TMEM176A: variants seen among roughly 807,000 people sequenced by gnomAD.
The protein encoded by TMEM176A is transmembrane protein 176A.
A neutral mutation model predicts 27.9 loss-of-function variants in TMEM176A; 20 were observed. The observed-to-expected ratio is 0.72, with a 90% CI of 0.50 to 1.04. The LOEUF is 1.04. Ranked by LOEUF, TMEM176A falls within the 50% of genes least tolerant of loss-of-function variation. The pLI is 0.00. For missense variants in TMEM176A, 252 were observed against 289.1 expected, an observed-to-expected ratio of 0.87 and a Z score of 0.93; for synonymous variants, 125 against 118.0, an observed-to-expected ratio of 1.06 and a Z score of -0.38.
intron 2 of TMEM176A, 70 bp from the exon 3 acceptor site, chr7:150,802,145 G>A (rs545307310): frequency 2.5e-6 from 3 of 1,214,474 alleles, no homozygotes; most frequent in East Asian, 2.3e-5. Flanking sequence ...TCTTTTTGGG[G>A]TTTTAGCGGT....
At position 150,804,844 on chromosome 7, in the gene TMEM176A, A is replaced by C. The variant is rs2116744188; in HGVS notation, c.684A>C (p.Glu228Asp). ...TCCATTAGAAAAGAGACCAGAAGGA[A>C]ATGTTGGAAGTGAGTGGAATCTAGC... ...FPTKGKRDQK[E>D]MLEVSGI The change falls in exon 7 of 7, where the codon GAA becomes GAC. Residue 228 changes from glutamate to aspartate, a missense_variant. Glu to Asp is a conservative substitution (Grantham distance 45). Coordinates refer to ENST00000004103, the MANE Select transcript of TMEM176A (RefSeq NM_018487.3). 1 of 1,614,222 alleles carries C rather than the reference A, an allele frequency of 6.2e-7. No individual in the cohort carries two copies. Among genetic ancestry groups the C allele is most frequent in the African/African-American group, 1.3e-5 (1 of 75,058 alleles).
rs1317752004 is a variant in TMEM176A at position 150,804,832 on chromosome 7, A to T, written c.672A>T (p.Arg224Ser). Residue 224 changes from arginine to serine, a missense_variant, in exon 7 of 7, where the codon AGA (arginine) becomes AGT (serine). Arg to Ser is a moderately radical substitution (Grantham distance 110). Transcript: ENST00000004103. ...CWRMFPTKGK[R>S]DQKEMLEVSG... ...TGCCTTTCCTCTTCCATTAGAAAAGAGACCAGAAGGAAATGTTGGAAGTGA... is the reference window on the plus strand; with the variant it reads ...TGCCTTTCCTCTTCCATTAGAAAAGTGACCAGAAGGAAATGTTGGAAGTGA... 1 of 1,614,236 alleles carries T rather than the reference A, an allele frequency of 6.2e-7. No homozygotes were observed. Among genetic ancestry groups the T allele is most frequent in the East Asian group, 2.2e-5 (1 of 44,882 alleles).
In TMEM176A at chr7:150,803,785, G is replaced by C. The variant is rs1170560518; in HGVS notation, c.508G>C (p.Glu170Gln). The C allele has an allele frequency of 1.2e-6, 2 of 1,614,198 alleles. No homozygotes were observed. Among genetic ancestry groups the C allele is most frequent in the Non-Finnish European group, 1.7e-6 (2 of 1,180,034 alleles). The change falls in exon 5 of 7, where the codon GAA (glutamate) becomes CAA (glutamine). Residue 170 changes from glutamate to glutamine, a missense_variant. By Grantham distance (29) the Glu-to-Gln change is conservative. Transcript: ENST00000004103. ...NTPAPTQSPE[E>Q]VRRLHLCTSF... ...TCCAGCCCCCACTCAGAGTCCAGAAGAAGTCAGAAGGCTACACCTATGTAC... is the reference window on the plus strand; with the variant it reads ...TCCAGCCCCCACTCAGAGTCCAGAACAAGTCAGAAGGCTACACCTATGTAC...
At position 150,801,572 on chromosome 7, in the gene TMEM176A, G is replaced by A. The variant is rs1181487157; in HGVS notation, c.22G>A (p.Glu8Lys). 5.6e-6 allele frequency: 9 copies of A among 1,607,764 alleles called. No homozygotes were observed. Among genetic ancestry groups the A allele is most frequent in the Non-Finnish European group, 7.6e-6 (9 of 1,178,092 alleles). MGTADSD[E>K]MAPEAPQHTH... ...GACAATGGGAACAGCCGACAGTGATGAGATGGCCCCGGAGGCCCCACAGCA... is the reference window on the plus strand; with the variant it reads ...GACAATGGGAACAGCCGACAGTGATAAGATGGCCCCGGAGGCCCCACAGCA... The change falls in exon 2 of 7, where the codon GAG (glutamate) becomes AAG (lysine). Residue 8 changes from glutamate (E) to lysine (K), a missense_variant. Physicochemically the swap from Glu to Lys is moderately conservative, Grantham distance 56 (BLOSUM62 1). Coordinates refer to ENST00000004103, the MANE Select transcript of TMEM176A (RefSeq NM_018487.3).
chr7:150,803,976 A>G, intron 5 of TMEM176A, 144 bp downstream of exon 5: 1 of 726,294 alleles, frequency 1.4e-6, no homozygotes, highest in Non-Finnish European at 2.2e-6. Context: ...ACAAAGCATC[A>G]GACAAAATAG....
rs748267918 is a variant in TMEM176A at position 150,801,677 on chromosome 7, C to T, written c.127C>T (p.Arg43Trp). 6.9e-6 allele frequency: 11 copies of T among 1,605,020 alleles called. No individual in the cohort carries two copies. Among genetic ancestry groups the T allele is most frequent in the African/African-American group, 6.7e-5 (5 of 74,688 alleles). The change falls in exon 2 of 7, where the codon CGG becomes TGG. Residue 43 changes from arginine (R) to tryptophan (W), a missense_variant. Transcript: ENST00000004103. ...LLTCCSALRP[R>W]ATQARGSSRL... ...CACCTGCTGCTCTGCGCTGCGGCCC[C>T]GGGCCACCCAGGCCAGGGGCAGCAG...
intron 1 of TMEM176A, chr7:150,801,157 T>C (rs114949263): frequency 0.088 from 19,478 of 222,584 alleles, 1,030 homozygotes; most frequent in Non-Finnish European, 0.11. Flanking sequence ...AGCCAAGGAC[T>C]CGGTCCTGTC....
At position 150,804,981 on chromosome 7, in the gene TMEM176A, A is replaced by G. The variant is rs1798892233; in HGVS notation, c.*113A>G. ...AAGAGGCTCTTCAACAGCCCCAGTT[A>G]TCCTGGCCCCATGACCGTGGCCACA... On this transcript the variant is annotated 3_prime_UTR_variant, in exon 7 of 7. Coordinates refer to ENST00000004103, the MANE Select transcript of TMEM176A (RefSeq NM_018487.3). The G allele has an allele frequency of 8.5e-7, 1 of 1,169,838 alleles. No individual in the cohort carries two copies. The highest frequency in any genetic ancestry group is 1.5e-5 in the African/African-American group (1 of 66,310). The allele number at this position is 1,169,838 out of a possible 1,614,324, so 72.5% of individuals were successfully genotyped here.
intron 3 of TMEM176A, 140 bp from the exon 4 acceptor site, chr7:150,803,260 T>C: frequency 7.2e-7 from 1 of 1,396,832 alleles, no homozygotes; most frequent in Non-Finnish European, 9.3e-7. Flanking sequence ...TCAGCAATTA[T>C]CTTACCATGG....
chr7:150,801,061 G>A, intron 1 of TMEM176A: 1 of 926,056 alleles, frequency 1.1e-6, no homozygotes, highest in Admixed American at 6.2e-5. Context: ...AGCAGCAGTC[G>A]GTGGAGCGGG....
At chr7:150,801,870 G>C (rs1305156079) in intron 2 of TMEM176A, 146 bp downstream of exon 2, 2 of 888,430 alleles carry the variant, frequency 2.3e-6, no homozygotes, top group African/African-American at 3.4e-5. Flanking sequence ...GGCCTTCTCA[G>C]TAAGAGCCTG....
At position 150,803,674 on chromosome 7, in the gene TMEM176A, C is replaced by T. The variant is rs776505443; in HGVS notation, c.397C>T (p.Leu133Phe). 7 of 1,614,038 alleles carry T rather than the reference C, an allele frequency of 4.3e-6. No individual in the cohort carries two copies. The highest frequency in any genetic ancestry group is 5.9e-6 in the Non-Finnish European group (7 of 1,180,048). ...LAAFSTAIAA[L>F]KLWNEDFRYG... Reference sequence around the variant, plus strand: ...AGCTTTCTCCACAGCCATCGCTGCCCTCAAACTTTGGAATGAAGATTTCCG... The same window carrying T: ...AGCTTTCTCCACAGCCATCGCTGCCTTCAAACTTTGGAATGAAGATTTCCG... Residue 133 changes from leucine (L) to phenylalanine (F), a missense_variant, in exon 5 of 7, where the codon CTC (leucine) becomes TTC (phenylalanine). Coordinates refer to ENST00000004103, the MANE Select transcript of TMEM176A (RefSeq NM_018487.3).
Position 150,804,987 on chromosome 7 carries a change from GC to G in TMEM176A, c.*123del, listed in dbSNP as rs141291646. The G allele has an allele frequency of 9.1e-7, 1 of 1,097,452 alleles. No individual in the cohort carries two copies. The highest frequency in any genetic ancestry group is 1.5e-5 in the African/African-American group (1 of 65,150). The allele number at this position is 1,097,452 out of a possible 1,614,324, so 68.0% of individuals were successfully genotyped here. A position where few individuals can be genotyped will look rare whatever the true frequency, so the allele number is the denominator to read the frequency against. On this transcript the variant is annotated 3_prime_UTR_variant, in exon 7 of 7. Transcript: ENST00000004103. ...CTCTTCAACAGCCCCAGTTATCCTG[GC>G]CCCATGACCGTGGCCACAGCCCTGC...
chr7:150,801,760 G>A (rs1188855095), intron 2 of TMEM176A, 36 bp downstream of exon 2: 10 of 1,462,378 alleles, frequency 6.8e-6, no homozygotes, highest in Middle Eastern at 2.4e-4. Context: ...GGCGGCGGGA[G>A]GAACTCCCCA....
rs1345334022 is a variant in TMEM176A, at chr7:150,804,891, TGCCTGGTGCTTCTGCACCG to T, written c.*25_*43del. ...TAGCCATGCCTCTCCTGATTATTAGTGCCTGGTGCTTCTGCACCGGGCGTCCCTGCATCTGACTGCTGGA... is the reference window on the plus strand; with the variant it reads ...TAGCCATGCCTCTCCTGATTATTAGTGGCGTCCCTGCATCTGACTGCTGGA... On this transcript the variant is annotated 3_prime_UTR_variant, in exon 7 of 7. Coordinates refer to ENST00000004103, the MANE Select transcript of TMEM176A (RefSeq NM_018487.3). 1 of 1,613,726 alleles carries T rather than the reference TGCCTGGTGCTTCTGCACCG, an allele frequency of 6.2e-7. No homozygotes were observed.
Position 150,801,628 on chromosome 7 carries a change from G to C in TMEM176A, c.78G>C (p.Glu26Asp). Reference sequence around the variant, plus strand: ...ACATCGATGTGCACATCCACCAGGAGTCTGCCCTGGCCAAGCTCCTGCTCA... The same window carrying C: ...ACATCGATGTGCACATCCACCAGGACTCTGCCCTGGCCAAGCTCCTGCTCA... ...HTHIDVHIHQESALAKLLLTC... is the reference protein window; with the variant it reads ...HTHIDVHIHQDSALAKLLLTC... The change falls in exon 2 of 7, where the codon GAG (glutamate) becomes GAC (aspartate). Residue 26 changes from glutamate (E) to aspartate (D), a missense_variant. Coordinates refer to ENST00000004103, the MANE Select transcript of TMEM176A (RefSeq NM_018487.3). 6.2e-7 allele frequency: 1 copy of C among 1,613,564 alleles called. No homozygotes were observed.
At chr7:150,801,053 C>A in intron 1 of TMEM176A, 5 of 947,574 alleles carry the variant, frequency 5.3e-6, no homozygotes, top group Non-Finnish European at 6.3e-6. Flanking sequence ...CGGGCGTGAG[C>A]AGCAGTCGGT....
chr7:150,801,044 G>C, intron 1 of TMEM176A: 2 of 963,340 alleles, frequency 2.1e-6, no homozygotes, highest in Admixed American at 6.1e-5. Context: ...TGAACCCGTC[G>C]GGCGTGAGCA....
Position 150,801,271 on chromosome 7 carries a change from GGGA to G in TMEM176A, c.-15-258_-15-256del, listed in dbSNP as rs555037666. Reference sequence around the variant, plus strand: ...TGCTTGACCCAGACGCCAGGGCCCTGGGAGGAGGATGAGGGGGACAGAGCAGAT... The same window carrying G: ...TGCTTGACCCAGACGCCAGGGCCCTGGGAGGATGAGGGGGACAGAGCAGAT... On this transcript the variant is annotated intron_variant, in intron 1 of 6. Coordinates refer to ENST00000004103, the MANE Select transcript of TMEM176A (RefSeq NM_018487.3). 1.0e-4 allele frequency: 37 copies of G among 352,968 alleles called. No homozygotes were observed. In the South Asian group the frequency reaches 2.5e-3, roughly 24 times the overall value. The allele number at this position is 352,968 out of a possible 1,614,324, so 21.9% of individuals were successfully genotyped here.
Sources: gnomAD v4.1 joint callset for allele counts on GRCh38, gnomAD v4.1.1 for gene constraint, MANE v1.5 for transcripts, NCBI Gene and HGNC (gene_info 2026-07-23, HGNC 2026-07-21) for gene names.